Variants in SCN10A observed in about 807,000 individuals in gnomAD.
The protein encoded by SCN10A is sodium channel protein type 10 subunit alpha.
A neutral mutation model predicts 170.7 loss-of-function variants in SCN10A; 162 were observed. The ratio of observed to expected loss-of-function variants is 0.95; its 90% confidence interval spans 0.84 to 1.08. The LOEUF is 1.08. Ranked by LOEUF, SCN10A falls within the 50% of genes least tolerant of loss-of-function variation. The pLI, the probability that SCN10A is intolerant of heterozygous loss-of-function variation, is 0.00. For synonymous variants in SCN10A, 985 were observed against 904.6 expected (o/e 1.09, Z -1.59); for missense variants, 2,527 against 2,436.9 (o/e 1.04, Z -0.78).
chr3:38,757,937 C>T (rs182084800), intron 8 of SCN10A, among the ~76,000 whole-genome samples: 3 of 152,280 alleles, frequency 2.0e-5, no homozygotes, highest in East Asian at 1.9e-4. Context: ...GCTCAGGGAG[C>T]GTAAAGTGCT....
chr3:38,703,257 G>T (rs2063175688), intron 26 of SCN10A, among the ~76,000 whole-genome samples: 1 of 152,084 alleles, frequency 6.6e-6, no homozygotes, highest in African/African-American at 2.4e-5. Context: ...GGCCATATTT[G>T]CCCACTCTTG....
chr3:38,769,078 A>C (rs1416510177), intron 5 of SCN10A, among the ~76,000 whole-genome samples: 1 of 151,872 alleles, frequency 6.6e-6, no homozygotes, highest in Non-Finnish European at 1.5e-5. Flanking sequence ...TATTTCTCTA[A>C]GTGAGTCTTC....
intron 5 of SCN10A, among the ~76,000 whole-genome samples, chr3:38,765,738 A>T (rs900676986): frequency 2.0e-4 from 31 of 151,800 alleles, no homozygotes; most frequent in African/African-American, 7.3e-4. Flanking sequence ...TAGGGTTGTT[A>T]TTTCTATTTC....
chr3:38,799,563 G>A (rs1229305567), intron 1 of SCN10A, among the ~76,000 whole-genome samples: 1 of 152,160 alleles, frequency 6.6e-6, no homozygotes, highest in South Asian at 2.1e-4. Flanking sequence ...GGGAGATAGA[G>A]GAGAAGTCCC....
intron 2 of SCN10A, among the ~76,000 whole-genome samples, 173 bp downstream of exon 2, chr3:38,793,568 C>T (rs1443063900): frequency 6.6e-6 from 1 of 152,060 alleles, no homozygotes; most frequent in Non-Finnish European, 1.5e-5. Context: ...CATAAAAATT[C>T]AAAGAGATCA....
At chr3:38,748,135 T>C (rs969111401) in intron 13 of SCN10A, among the ~76,000 whole-genome samples, 3 of 152,240 alleles carry the variant, frequency 2.0e-5, no homozygotes, top group African/African-American at 7.2e-5. Flanking sequence ...GTATTCAATG[T>C]TTGCTGTTTG....
At chr3:38,727,973 T>G (rs1559427187) in intron 16 of SCN10A, among the ~76,000 whole-genome samples, 1 of 152,166 alleles carries the variant, frequency 6.6e-6, no homozygotes, top group Non-Finnish European at 1.5e-5. Context: ...TGACCCATTG[T>G]GCCCCCTCCC....
intron 11 of SCN10A, among the ~76,000 whole-genome samples, chr3:38,754,051 C>T (rs1291914659): frequency 1.3e-5 from 2 of 152,188 alleles, no homozygotes; most frequent in African/African-American, 4.8e-5. Context: ...CCTGAGTGGG[C>T]TCCAATAAAT....
chr3:38,811,296 T>C (rs777726170), intron 1 of SCN10A, among the ~76,000 whole-genome samples: 3 of 151,896 alleles, frequency 2.0e-5, no homozygotes, highest in Non-Finnish European at 4.4e-5. Context: ...CTAATAAAGA[T>C]ACAAAAATTA....
chr3:38,792,025 G>A (rs2064288220), intron 3 of SCN10A, 25 bp downstream of exon 3: 1 of 1,612,158 alleles, frequency 6.2e-7, no homozygotes, highest in South Asian at 1.1e-5. Flanking sequence ...GTAACACGTG[G>A]AAGAGGCAAT....
At chr3:38,800,344 G>A (rs2064363863) in intron 1 of SCN10A, among the ~76,000 whole-genome samples, 3 of 152,184 alleles carry the variant, frequency 2.0e-5, no homozygotes, top group Admixed American at 2.0e-4. Context: ...CACCTGAAAA[G>A]ATTCTCAGTC....
chr3:38,738,463 T>C lies in SCN10A; in HGVS notation c.2280+1052A>G, dbSNP rs193171154. On this transcript the variant is annotated intron_variant, in intron 15 of 27. Coordinates refer to ENST00000449082, the MANE Select transcript of SCN10A (RefSeq NM_006514.4). ...CTCAGCACTGTCTCACTGGCCCCTG[T>C]GATAGGGTCCCAAGCAGATCTGTCC... 4.6e-4 allele frequency among the ~76,000 whole-genome samples: 70 copies of C among 152,246 alleles called. 1 individual carries two copies. The highest frequency in any genetic ancestry group is 3.4e-3 in the Middle Eastern group (1 of 294).
In SCN10A at chr3:38,771,518, T is replaced by C. The variant is rs62244081; in HGVS notation, c.471-111A>G. On this transcript the variant is annotated intron_variant, in intron 4 of 27. Transcript: ENST00000449082. ...GCTCTGACTGCTCCAAGAAAAAACA[T>C]GCAAAGAATATCACCAAGGTGATGA... 255,634 of 1,057,178 alleles carry C rather than the reference T, an allele frequency of 0.24. 33,495 individuals carry two copies. Among genetic ancestry groups the C allele is most frequent in the East Asian group, 0.43 (17,422 of 40,752 alleles). 65.5% of individuals were successfully genotyped at this position (1,057,178 alleles called of 1,614,324 possible). A position where few individuals can be genotyped will look rare whatever the true frequency, so the allele number is the denominator to read the frequency against.
intron 1 of SCN10A, among the ~76,000 whole-genome samples, chr3:38,813,960 A>G (rs1274647651): frequency 6.6e-6 from 1 of 152,212 alleles, no homozygotes; most frequent in Middle Eastern, 3.2e-3. Flanking sequence ...CTGGGCTGCT[A>G]ATATGTGCAA....
At chr3:38,753,150 T>C (rs757487913) in intron 11 of SCN10A, among the ~76,000 whole-genome samples, 15 of 152,204 alleles carry the variant, frequency 9.9e-5, no homozygotes, top group Non-Finnish European at 2.1e-4. Context: ...GGAAGAATAA[T>C]GTCATTCCTC....
intron 1 of SCN10A, among the ~76,000 whole-genome samples, chr3:38,800,116 G>T (rs1319407278): frequency 6.6e-6 from 1 of 152,146 alleles, no homozygotes; most frequent in East Asian, 1.9e-4. Flanking sequence ...GTATCTATGT[G>T]GATTTTTTTC....
At chr3:38,729,613 T>C (rs2063495127) in intron 15 of SCN10A, among the ~76,000 whole-genome samples, 1 of 152,136 alleles carries the variant, frequency 6.6e-6, no homozygotes, top group South Asian at 2.1e-4. Context: ...GTCTCAAAAG[T>C]CTTCACTGTA....
intron 5 of SCN10A, 127 bp from the exon 6 acceptor site, chr3:38,763,723 T>A: frequency 1.5e-6 from 1 of 685,826 alleles, no homozygotes; most frequent in Non-Finnish European, 2.6e-6. Context: ...TAGAATCTAG[T>A]GACACTGCCA....
chr3:38,744,324 T>C (rs2063664643), intron 13 of SCN10A, among the ~76,000 whole-genome samples: 1 of 152,128 alleles, frequency 6.6e-6, no homozygotes. Flanking sequence ...TAGGGTTTTT[T>C]TTACTATATG....
Sources: allele counts gnomAD v4.1 joint callset (sites outside exome capture counted in the v4.1 genomes callset), GRCh38; gene constraint gnomAD v4.1.1; transcripts MANE v1.5; gene names NCBI Gene and HGNC (gene_info 2026-07-23, HGNC 2026-07-21).